The following POM121C variants were observed in gnomAD, a reference collection of about 807,000 sequenced individuals.
POM121C encodes the protein POM121 transmembrane nucleoporin C, also known as nuclear envelope pore membrane protein POM 121C.
Under a neutral mutation model 66.4 loss-of-function variants are expected in POM121C, and 20 were observed. That is an observed-to-expected ratio of 0.30 (90% confidence interval 0.21 to 0.44). The LOEUF (loss-of-function observed/expected upper bound fraction) is 0.44. Among genes scored for constraint, POM121C ranks in the 20% least tolerant of loss-of-function variants. The pLI is 1.00. For synonymous variants in POM121C, 286 were observed against 528.0 expected (o/e 0.54, Z 6.28); for missense variants, 580 against 1,225.7 (o/e 0.47, Z 7.87).
chr7:75,426,824 A>T (rs1170820002), intron 7 of POM121C, among the ~76,000 whole-genome samples: 28 of 130,596 alleles, frequency 2.1e-4, no homozygotes, highest in African/African-American at 8.1e-4. Flanking sequence ...AAAAAAAAAT[A>T]GAAAATGAAA....
At position 75,437,698 on chromosome 7, in the gene POM121C, G is replaced by A. The variant is rs1208879098; in HGVS notation, c.309-12C>T. 7.3e-5 allele frequency: 115 copies of A among 1,584,916 alleles called. No homozygotes were observed. The highest frequency in any genetic ancestry group is 8.9e-5 in the Non-Finnish European group (103 of 1,162,446). On this transcript the variant is annotated splice_polypyrimidine_tract_variant and intron_variant, in intron 6 of 14. Coordinates refer to ENST00000615331, the MANE Select transcript of POM121C (RefSeq NM_001099415.3). ...TCAGAGACCCAGGCCTAATAAAAGA[G>A]AAGACAGTTAGATGCTTTATTGAAG...
rs587657568 is a variant in POM121C at position 75,486,147 on chromosome 7, G to A, written c.-741C>T. 7.5e-4 allele frequency: 252 copies of A among 335,180 alleles called. 4 individuals are homozygous for A. The highest frequency in any genetic ancestry group is 5.4e-3 in the South Asian group (249 of 45,830). 20.8% of individuals were successfully genotyped at this position (335,180 alleles called of 1,614,324 possible). On this transcript the variant is annotated 5_prime_UTR_variant, in exon 1 of 15. Coordinates refer to ENST00000615331, the MANE Select transcript of POM121C (RefSeq NM_001099415.3). ...GCTCGAGCCTCTACCCGGCCCGCGC[G>A]AACCCTGGGCCGCACAGCTCCCGCC...
intron 3 of POM121C, among the ~76,000 whole-genome samples, chr7:75,458,057 A>G (rs1229603261): frequency 6.6e-6 from 1 of 152,282 alleles, no homozygotes. Context: ...TGTTTATGTA[A>G]AATTAAATGA....
intron 3 of POM121C, among the ~76,000 whole-genome samples, chr7:75,464,976 T>C (rs1554477556): frequency 6.7e-6 from 1 of 150,350 alleles, no homozygotes; most frequent in Admixed American, 6.6e-5. Flanking sequence ...GACAGGTAGA[T>C]GAAACTATCC....
chr7:75,452,756 G>A (rs1217629132), intron 3 of POM121C, among the ~76,000 whole-genome samples: 4 of 152,256 alleles, frequency 2.6e-5, no homozygotes, highest in South Asian at 4.2e-4. Flanking sequence ...TCTCAAGACT[G>A]TTGCTAACAA....
At chr7:75,436,242 T>C (rs1242848781) in intron 7 of POM121C, among the ~76,000 whole-genome samples, 3 of 152,186 alleles carry the variant, frequency 2.0e-5, no homozygotes, top group Non-Finnish European at 4.4e-5. Context: ...TTATCTCTCC[T>C]AAAACTTAGA....
At chr7:75,429,779 A>C (rs1790096076) in intron 7 of POM121C, among the ~76,000 whole-genome samples, 2 of 152,160 alleles carry the variant, frequency 1.3e-5, no homozygotes, top group Non-Finnish European at 2.9e-5. Context: ...CAGAGAGGCC[A>C]AGGTGGGAAG....
chr7:75,453,963 G>C (rs1218928837), intron 3 of POM121C, among the ~76,000 whole-genome samples: 1 of 152,256 alleles, frequency 6.6e-6, no homozygotes, highest in African/African-American at 2.4e-5. Flanking sequence ...CAGTCCGGCA[G>C]CTTACTTCTA....
chr7:75,483,001 CTGTT>C (rs782706532), intron 1 of POM121C, among the ~76,000 whole-genome samples: 4 of 152,166 alleles, frequency 2.6e-5, no homozygotes, highest in South Asian at 2.1e-4. Context: ...AAGAGAGTAA[CTGTT>C]TGTATTGTTT....
At chr7:75,421,022 G>C (rs1789685571) in intron 13 of POM121C, 2 of 207,740 alleles carry the variant, frequency 9.6e-6, no homozygotes, top group African/African-American at 2.6e-5. Context: ...ACCTAGGCCA[G>C]AGTACAGTGT....
chr7:75,463,397 C>G (rs1791512321), intron 3 of POM121C, among the ~76,000 whole-genome samples: 1 of 151,476 alleles, frequency 6.6e-6, no homozygotes, highest in South Asian at 2.1e-4. Context: ...AAGGACTGCT[C>G]CAGTGCCCCA....
intron 1 of POM121C, among the ~76,000 whole-genome samples, chr7:75,484,662 CA>C (rs10690558): frequency 0.13 from 6,356 of 47,990 alleles, 76 homozygotes; most frequent in African/African-American, 0.24. Context: ...GACACTGTCT[CA>C]AAAAAAAAAA....
At chr7:75,469,105 T>C (rs1362529175) in intron 3 of POM121C, among the ~76,000 whole-genome samples, 1 of 151,870 alleles carries the variant, frequency 6.6e-6, no homozygotes, top group African/African-American at 2.4e-5. Flanking sequence ...TACTTTCTTT[T>C]TTTTTTTTTT....
chr7:75,477,312 G>A (rs1257476431), intron 1 of POM121C, among the ~76,000 whole-genome samples: 2 of 152,218 alleles, frequency 1.3e-5, no homozygotes, highest in Admixed American at 1.3e-4. Flanking sequence ...CTTGGGCACG[G>A]TGGCTCACGC....
intron 6 of POM121C, 21 bp from the exon 7 acceptor site, chr7:75,437,707 T>G: frequency 6.4e-7 from 1 of 1,564,664 alleles, no homozygotes; most frequent in Non-Finnish European, 8.7e-7. Context: ...AGAAGACAGT[T>G]AGATGCTTTA....
intron 3 of POM121C, chr7:75,442,229 G>A: frequency 7.2e-7 from 1 of 1,396,282 alleles, no homozygotes; most frequent in Non-Finnish European, 9.2e-7. Context: ...CGGCTGGGAG[G>A]GCGGTGTGGA....
chr7:75,430,299 C>G (rs1790115701), intron 7 of POM121C, among the ~76,000 whole-genome samples: 1 of 152,018 alleles, frequency 6.6e-6, no homozygotes, highest in African/African-American at 2.4e-5. Context: ...AAGACTGGTA[C>G]AAGGGTAGTA....
rs1391825459 is a variant in POM121C, at chr7:75,486,265, C to A, written c.-859G>T. 1 of 272,856 alleles carries A rather than the reference C, an allele frequency of 3.7e-6. No individual in the cohort carries two copies. Among genetic ancestry groups the A allele is most frequent in the Non-Finnish European group, 7.1e-6 (1 of 140,078 alleles). The allele number at this position is 272,856 out of a possible 1,614,324, so 16.9% of individuals were successfully genotyped here. On this transcript the variant is annotated 5_prime_UTR_variant, in exon 1 of 15. Coordinates refer to ENST00000615331, the MANE Select transcript of POM121C (RefSeq NM_001099415.3). ...GCCAAAGCCTGGGAACGAGAGCAAG[C>A]GATGACCTGAAGAGGCACAGGAAGC...
intron 6 of POM121C, among the ~76,000 whole-genome samples, chr7:75,438,502 G>T (rs1442679639): frequency 6.6e-6 from 1 of 152,108 alleles, no homozygotes; most frequent in Non-Finnish European, 1.5e-5. Context: ...CTGGGCTGTT[G>T]CAAATCTCCT....
Sources: allele counts gnomAD v4.1 joint callset (sites outside exome capture counted in the v4.1 genomes callset), GRCh38; gene constraint gnomAD v4.1.1; transcripts MANE v1.5; gene names NCBI Gene and HGNC (gene_info 2026-07-23, HGNC 2026-07-21).